GRID1: variants seen among roughly 807,000 people sequenced by gnomAD.
The protein encoded by GRID1 is glutamate ionotropic receptor delta type subunit 1, also known as glutamate receptor ionotropic, delta-1.
In GRID1, 28 loss-of-function variants were observed where a neutral mutation model predicts 98.0. The observed-to-expected ratio is 0.29, with a 90% CI of 0.21 to 0.39. The LOEUF is 0.39. GRID1 is among the 10% of genes least tolerant of loss of function. GRID1 has a pLI of 1.00. For synonymous variants in GRID1, 553 were observed against 538.5 expected (o/e 1.03, Z -0.37); for missense variants, 1,111 against 1,340.5 (o/e 0.83, Z 2.67).
chr10:85,868,921 A>T, intron 6 of GRID1, 89 bp downstream of exon 6: 2 of 1,067,630 alleles, frequency 1.9e-6, no homozygotes, highest in South Asian at 2.7e-5. Flanking sequence ...AGTTGGTGGC[A>T]ATAGGAGGCC....
chr10:85,700,080 C>T (rs1303788634), intron 12 of GRID1, among the ~76,000 whole-genome samples: 1 of 152,160 alleles, frequency 6.6e-6, no homozygotes, highest in Non-Finnish European at 1.5e-5. Flanking sequence ...TTCTTCAGCC[C>T]AGGACTCCAA....
At chr10:85,934,105 AG>A (rs1287724470) in intron 4 of GRID1, among the ~76,000 whole-genome samples, 1 of 152,144 alleles carries the variant, frequency 6.6e-6, no homozygotes, top group African/African-American at 2.4e-5. Context: ...GGGGTTATGT[AG>A]GGAGGAACAG....
At chr10:85,800,028 T>A (rs1398339191) in intron 8 of GRID1, among the ~76,000 whole-genome samples, 5 of 152,004 alleles carry the variant, frequency 3.3e-5, no homozygotes, top group Admixed American at 2.0e-4. Context: ...AATTAAAAAG[T>A]ATAGGGAATA....
At chr10:86,351,331 G>A (rs1848459256) in intron 2 of GRID1, among the ~76,000 whole-genome samples, 1 of 152,252 alleles carries the variant, frequency 6.6e-6, no homozygotes, top group South Asian at 2.1e-4. Context: ...TGGGATTTCT[G>A]GGATTCTTGC....
At chr10:86,284,353 A>G (rs555355012) in intron 2 of GRID1, among the ~76,000 whole-genome samples, 3 of 152,278 alleles carry the variant, frequency 2.0e-5, no homozygotes, top group Admixed American at 2.0e-4. Context: ...TCAATTACAA[A>G]TGGAGGCTCC....
chr10:86,319,568 C>A (rs1232516227), intron 2 of GRID1, among the ~76,000 whole-genome samples: 1 of 152,196 alleles, frequency 6.6e-6, no homozygotes, highest in Non-Finnish European at 1.5e-5. Context: ...GCTACCCTCC[C>A]CTCTCCCCCC....
intron 8 of GRID1, among the ~76,000 whole-genome samples, chr10:85,747,434 G>A (rs1174723819): frequency 6.6e-6 from 1 of 152,138 alleles, no homozygotes; most frequent in Admixed American, 6.6e-5. Flanking sequence ...CATTTTGCAA[G>A]CTTCCATTCC....
At chr10:85,652,892 G>C (rs548605041) in intron 12 of GRID1, among the ~76,000 whole-genome samples, 1 of 152,258 alleles carries the variant, frequency 6.6e-6, no homozygotes, top group South Asian at 2.1e-4. Flanking sequence ...TCTATGTCTG[G>C]GGATAGGGCA....
chr10:85,987,662 T>C (rs1430626944), intron 4 of GRID1, among the ~76,000 whole-genome samples: 1 of 151,074 alleles, frequency 6.6e-6, no homozygotes, highest in Non-Finnish European at 1.5e-5. Context: ...ACATATCCCT[T>C]CGTCCCTCTG....
At chr10:86,218,667 CCTT>C (rs1846210113) in intron 2 of GRID1, among the ~76,000 whole-genome samples, 1 of 152,196 alleles carries the variant, frequency 6.6e-6, no homozygotes, top group African/African-American at 2.4e-5. Flanking sequence ...CCTGGTGAAT[CCTT>C]CTCATCTACC....
At chr10:86,117,687 G>A (rs1483907908) in intron 4 of GRID1, among the ~76,000 whole-genome samples, 2 of 152,172 alleles carry the variant, frequency 1.3e-5, no homozygotes, top group Non-Finnish European at 2.9e-5. Flanking sequence ...AAGTGAATTA[G>A]AATATCCCAG....
chr10:86,092,427 C>A (rs952409626), intron 4 of GRID1, among the ~76,000 whole-genome samples: 35 of 152,020 alleles, frequency 2.3e-4, no homozygotes, highest in African/African-American at 8.5e-4. Flanking sequence ...CCAACAAAGA[C>A]AAAGATAGAA....
chr10:85,925,274 T>C (rs1841759450), intron 4 of GRID1, among the ~76,000 whole-genome samples: 1 of 152,200 alleles, frequency 6.6e-6, no homozygotes, highest in African/African-American at 2.4e-5. Context: ...GAGCCCAGCT[T>C]TTCTATCCGA....
At chr10:86,018,192 G>A (rs189409190) in intron 4 of GRID1, among the ~76,000 whole-genome samples, 49 of 152,352 alleles carry the variant, frequency 3.2e-4, no homozygotes, top group African/African-American at 9.9e-4. Context: ...GCCATGCACC[G>A]CAGCCTTCTG....
At chr10:86,057,499 T>C (rs1341168979) in intron 4 of GRID1, among the ~76,000 whole-genome samples, 3 of 152,224 alleles carry the variant, frequency 2.0e-5, no homozygotes, top group Non-Finnish European at 2.9e-5. Flanking sequence ...TGATAACCTT[T>C]GACGACACCC....
Position 85,727,910 on chromosome 10 carries a change from C to T in GRID1, c.1478G>A (p.Gly493Asp), listed in dbSNP as rs1343273278. The part of the protein sequence containing the change: ...EIYQAPDGRY[G>D]HQLHNTSWNG... Reference sequence around the variant, plus strand: ...CCAGGAGGTGTTATGGAGCTGGTGACCGTACCTGCCATCAGGGGCTTGGTA... The same window carrying T: ...CCAGGAGGTGTTATGGAGCTGGTGATCGTACCTGCCATCAGGGGCTTGGTA... Residue 493 changes from glycine (G) to aspartate (D), a missense_variant, in exon 10 of 16, where the codon GGT (glycine) becomes GAT (aspartate). By Grantham distance (94) the Gly-to-Asp change is moderately conservative (BLOSUM62 -1). This residue lies in a region of GRID1 where 762 missense variants were observed against 869.1 expected (regional missense o/e 0.88). Coordinates refer to ENST00000327946, the MANE Select transcript of GRID1 (RefSeq NM_017551.3). The T allele has an allele frequency of 6.2e-7, 1 of 1,614,006 alleles. No homozygotes were observed. The highest frequency in any genetic ancestry group is 8.5e-7 in the Non-Finnish European group (1 of 1,179,954).
chr10:86,217,491 G>A (rs778040475), intron 2 of GRID1, among the ~76,000 whole-genome samples: 1 of 152,206 alleles, frequency 6.6e-6, no homozygotes, highest in Non-Finnish European at 1.5e-5. Flanking sequence ...GCCAAGTAGA[G>A]AGTGGAGGAG....
chr10:86,172,384 G>T (rs1845502552), intron 3 of GRID1, among the ~76,000 whole-genome samples: 1 of 152,014 alleles, frequency 6.6e-6, no homozygotes, highest in African/African-American at 2.4e-5. Context: ...TATACATCAG[G>T]TACATATTCA....
intron 4 of GRID1, among the ~76,000 whole-genome samples, chr10:85,975,486 G>A (rs113036384): frequency 1.2e-4 from 18 of 152,216 alleles, no homozygotes; most frequent in East Asian, 1.2e-3. Context: ...TCTACCATAC[G>A]GGAAACAAAA....
Sources: allele counts gnomAD v4.1 joint callset (sites outside exome capture counted in the v4.1 genomes callset), GRCh38; gene constraint gnomAD v4.1.1; regional missense constraint gnomAD v4.1.1; transcripts MANE v1.5; gene names NCBI Gene and HGNC (gene_info 2026-07-23, HGNC 2026-07-21).